SKA3: variants seen among roughly 807,000 people sequenced by gnomAD.
SKA3 encodes spindle and kinetochore associated complex subunit 3.
SKA3 carries 39 observed loss-of-function variants against 44.2 expected under a neutral mutation model. The ratio of observed to expected loss-of-function variants is 0.88; its 90% CI spans 0.68 to 1.15. SKA3 has a LOEUF of 1.15. SKA3 is among the 50% of genes most tolerant of loss of function. The probability of loss-of-function intolerance (pLI) is 0.00; values close to 1 mark genes in which losing one functional copy is unlikely to be tolerated. For synonymous variants in SKA3, 192 were observed against 172.0 expected (o/e 1.12, Z -0.91); for missense variants, 511 against 485.8 (o/e 1.05, Z -0.49).
At position 21,175,192 on chromosome 13, in the gene SKA3, G is replaced by A. The variant is rs1871396568; in HGVS notation, c.103+1183C>T. Among the ~76,000 whole-genome samples, 3 of 151,378 alleles carry A rather than the reference G, an allele frequency of 2.0e-5. No homozygotes were observed. The South Asian group carries it at 6.2e-4, about 31-fold the overall frequency. ...GAGGTTTCACCACGTTGGCCAGGCT[G>A]GTCTTGAACTCCTGACCTCGGGCGA... On this transcript the variant is annotated intron_variant, in intron 1 of 8. Coordinates refer to ENST00000314759, the MANE Select transcript of SKA3 (RefSeq NM_145061.6).
At chr13:21,171,730 C>T (rs1871063962) in intron 3 of SKA3, among the ~76,000 whole-genome samples, 1 of 152,136 alleles carries the variant, frequency 6.6e-6, no homozygotes, top group African/African-American at 2.4e-5. Flanking sequence ...ATATACTAAA[C>T]ATTCCCACTT....
chr13:21,168,691 A>AT (rs892880214), intron 3 of SKA3, among the ~76,000 whole-genome samples: 9 of 151,870 alleles, frequency 5.9e-5, no homozygotes, highest in Non-Finnish European at 1.2e-4. Context: ...TGCTCAGCTA[A>AT]TTTTAAAAAT....
Position 21,176,420 on chromosome 13 carries a change from A to G in SKA3, c.58T>C (p.Cys20Arg). The G allele has an allele frequency of 6.3e-7, 1 of 1,585,820 alleles. No individual in the cohort carries two copies. Among genetic ancestry groups the G allele is most frequent in the Non-Finnish European group, 8.6e-7 (1 of 1,167,302 alleles). ...KLRSLASTLD[C>R]ETARLQRALD... ...GCTCGCTGCAGCCGGGCCGTCTCGCAGTCCAGCGTGCTGGCCAGAGACCGC... is the reference window on the plus strand; with the variant it reads ...GCTCGCTGCAGCCGGGCCGTCTCGCGGTCCAGCGTGCTGGCCAGAGACCGC... Residue 20 changes from cysteine (C) to arginine (R), a missense_variant, in exon 1 of 9, where the codon TGC becomes CGC. Transcript: ENST00000314759.
At chr13:21,166,429 T>C (rs1870717913) in intron 4 of SKA3, among the ~76,000 whole-genome samples, 1 of 152,172 alleles carries the variant, frequency 6.6e-6, no homozygotes, top group South Asian at 2.1e-4. Flanking sequence ...TATTTTCTGA[T>C]AGCTTAGAAA....
intron 3 of SKA3, among the ~76,000 whole-genome samples, chr13:21,170,060 T>A (rs1016295454): frequency 6.6e-6 from 1 of 152,194 alleles, no homozygotes; most frequent in African/African-American, 2.4e-5. Flanking sequence ...CAAAGACTGC[T>A]ATATAAAGAT....
chr13:21,176,247 G>A, intron 1 of SKA3, 128 bp downstream of exon 1: 1 of 728,190 alleles, frequency 1.4e-6, no homozygotes, highest in Non-Finnish European at 2.1e-6. Context: ...CACCCGCCCT[G>A]CGCCTCGGTG....
Position 21,159,907 on chromosome 13 carries a change from C to A in SKA3, c.910G>T (p.Ala304Ser). The A allele has an allele frequency of 6.2e-7, 1 of 1,603,906 alleles. No homozygotes were observed. The highest frequency in any genetic ancestry group is 8.5e-7 in the Non-Finnish European group (1 of 1,176,018). Residue 304 changes from alanine (A) to serine (S), a missense_variant, in exon 6 of 9, where the codon GCT becomes TCT. Ala to Ser is a moderately conservative substitution (Grantham distance 99). Coordinates refer to ENST00000314759, the MANE Select transcript of SKA3 (RefSeq NM_145061.6). ...LKIPSTKNSI[A>S]LVSTNYPLSK... ...TCAATTTTATGGAAAGTTACCAAAG[C>A]TATGCTGTTCTTTGTAGATGGAATT... is the stretch of plus-strand genomic sequence containing the variant.
rs1464106692 is a variant in SKA3 at position 21,154,928 on chromosome 13, CT to C, written c.*221del. 3.2e-5 allele frequency: 23 copies of C among 717,922 alleles called. No homozygotes were observed. Among genetic ancestry groups the C allele is most frequent in the Admixed American group, 1.1e-4 (4 of 35,190 alleles). 44.5% of individuals were successfully genotyped at this position (717,922 alleles called of 1,614,324 possible). On this transcript the variant is annotated 3_prime_UTR_variant, in exon 9 of 9. Transcript: ENST00000314759. The stretch of plus-strand genomic sequence containing the variant: ...TAGTATCAATGAAACACTAATAATC[CT>C]TAAAGAGTGAATGACTGGGCTACAT...
intron 4 of SKA3, among the ~76,000 whole-genome samples, chr13:21,167,730 G>A (rs1458927150): frequency 2.0e-5 from 3 of 146,840 alleles, no homozygotes; most frequent in South Asian, 2.1e-4. Flanking sequence ...TCGCACCACT[G>A]CACTCCAGCC....
rs558061136 is a variant in SKA3 at position 21,166,416 on chromosome 13, C to T, written c.743+1572G>A. On this transcript the variant is annotated intron_variant, in intron 4 of 8. Transcript: ENST00000314759. Reference sequence around the variant, plus strand: ...TCAAATTTCCCAATACTATAACCTACGATATTTTCTGATAGCTTAGAAAAA... The same window carrying T: ...TCAAATTTCCCAATACTATAACCTATGATATTTTCTGATAGCTTAGAAAAA... Among the ~76,000 whole-genome samples, 224 of 152,214 alleles carry T rather than the reference C, an allele frequency of 1.5e-3. 2 individuals are homozygous for T. In the South Asian group the frequency reaches 0.015, roughly 10 times the overall value.
intron 3 of SKA3, among the ~76,000 whole-genome samples, chr13:21,170,519 T>G (rs7334901): frequency 1.1e-4 from 16 of 152,262 alleles, no homozygotes; most frequent in African/African-American, 2.2e-4. Flanking sequence ...GTTTTAAAAG[T>G]CTTGAGTTTA....
Position 21,171,815 on chromosome 13 carries a change from C to T in SKA3, c.331+524G>A, listed in dbSNP as rs748762689. On this transcript the variant is annotated intron_variant, in intron 3 of 8. Coordinates refer to ENST00000314759, the MANE Select transcript of SKA3 (RefSeq NM_145061.6). ...AATACAGCTATTAAGTGGTGGAATA[C>T]GGATTTGAACTCAGGCATTTTGACT... 7.2e-5 allele frequency among the ~76,000 whole-genome samples: 11 copies of T among 152,142 alleles called. No individual in the cohort carries two copies. The South Asian group carries it at 1.7e-3, about 23-fold the overall frequency.
Position 21,154,924 on chromosome 13 carries a change from A to T in SKA3, c.*226T>A. 1.5e-6 allele frequency: 1 copy of T among 685,266 alleles called. No individual in the cohort carries two copies. The highest frequency in any genetic ancestry group is 2.4e-6 in the Non-Finnish European group (1 of 409,610). 42.4% of individuals were successfully genotyped at this position (685,266 alleles called of 1,614,324 possible). On this transcript the variant is annotated 3_prime_UTR_variant, in exon 9 of 9. Coordinates refer to ENST00000314759, the MANE Select transcript of SKA3 (RefSeq NM_145061.6). ...AATTTAGTATCAATGAAACACTAAT[A>T]ATCCTTAAAGAGTGAATGACTGGGC...
chr13:21,168,449 C>T lies in SKA3; in HGVS notation c.332-50G>A, dbSNP rs776060404. 21 of 1,324,902 alleles carry T rather than the reference C, an allele frequency of 1.6e-5. No homozygotes were observed. In the South Asian group the frequency reaches 3.8e-4, roughly 24 times the overall value. 82.1% of individuals were successfully genotyped at this position (1,324,902 alleles called of 1,614,324 possible). ...TGGTCAAACTCAAAATGGAAAATTTCACGTTTACAAAAACAACAGAAAACA... is the reference window on the plus strand; with the variant it reads ...TGGTCAAACTCAAAATGGAAAATTTTACGTTTACAAAAACAACAGAAAACA... On this transcript the variant is annotated intron_variant, in intron 3 of 8. Coordinates refer to ENST00000314759, the MANE Select transcript of SKA3 (RefSeq NM_145061.6).
intron 1 of SKA3, among the ~76,000 whole-genome samples, chr13:21,174,918 AT>A (rs1871366013): frequency 6.6e-6 from 1 of 152,062 alleles, no homozygotes; most frequent in Non-Finnish European, 1.5e-5. Context: ...GACTAATGAA[AT>A]TTGCATTTCC....
chr13:21,158,134 T>C lies in SKA3; in HGVS notation c.916-9A>G, dbSNP rs750946749. The C allele has an allele frequency of 6.7e-7, 1 of 1,488,342 alleles. No individual in the cohort carries two copies. The highest frequency in any genetic ancestry group is 1.7e-5 in the Admixed American group (1 of 59,330). 92.2% of individuals were successfully genotyped at this position (1,488,342 alleles called of 1,614,324 possible). A position where few individuals can be genotyped will look rare whatever the true frequency, so the allele number is the denominator to read the frequency against. ...GGGTAATTTGTGGATACCTATTGAA[T>C]AAAAATAGACCATTAAATTATGGTA... is the stretch of plus-strand genomic sequence containing the variant. On this transcript the variant is annotated splice_polypyrimidine_tract_variant and intron_variant, in intron 6 of 8. Coordinates refer to ENST00000314759, the MANE Select transcript of SKA3 (RefSeq NM_145061.6).
At position 21,176,532 on chromosome 13, in the gene SKA3, A is replaced by G; in HGVS notation, c.-55T>C. ...GTACGCAGACCCCACCGCTCAGCTC[A>G]CAGCCTCCCGCCACTAGTTTGAATC... On this transcript the variant is annotated 5_prime_UTR_variant, in exon 1 of 9. Coordinates refer to ENST00000314759, the MANE Select transcript of SKA3 (RefSeq NM_145061.6). The G allele has an allele frequency of 1.0e-6, 1 of 998,698 alleles. No homozygotes were observed. Among genetic ancestry groups the G allele is most frequent in the Non-Finnish European group, 1.3e-6 (1 of 760,324 alleles). 61.9% of individuals were successfully genotyped at this position (998,698 alleles called of 1,614,324 possible).
intron 4 of SKA3, among the ~76,000 whole-genome samples, chr13:21,162,380 T>C (rs1386240811): frequency 6.6e-6 from 1 of 152,132 alleles, no homozygotes; most frequent in Admixed American, 6.6e-5. Flanking sequence ...TTTTTTTTTT[T>C]TTCTGAGACA....
chr13:21,155,690 C>T lies in SKA3; in HGVS notation c.1238+3G>A, dbSNP rs151089227. The T allele has an allele frequency of 8.1e-4, 909 of 1,124,038 alleles. 2 individuals are homozygous for T. In the East Asian group the frequency reaches 0.021, roughly 26 times the overall value. 69.6% of individuals were successfully genotyped at this position (1,124,038 alleles called of 1,614,324 possible). ...ACTTTCTTTACAAAGGTAACATACT[C>T]ACCAGTTTTCTTTGTTGCTGACATC... On this transcript the variant is annotated splice_donor_region_variant and intron_variant, in intron 8 of 8. Coordinates refer to ENST00000314759, the MANE Select transcript of SKA3 (RefSeq NM_145061.6).
Sources: allele counts gnomAD v4.1 joint callset (sites outside exome capture counted in the v4.1 genomes callset), GRCh38; gene constraint gnomAD v4.1.1; transcripts MANE v1.5; gene names NCBI Gene and HGNC (gene_info 2026-07-23, HGNC 2026-07-21).